SNX29: variants seen among roughly 807,000 people sequenced by gnomAD.
SNX29 encodes sorting nexin-29.
A neutral mutation model predicts 102.1 loss-of-function variants in SNX29; 78 were observed. The observed-to-expected ratio is 0.76, with a 90% confidence interval of 0.64 to 0.92. The LOEUF (loss-of-function observed/expected upper bound fraction) is 0.92. Among genes scored for constraint, SNX29 ranks in the 40% least tolerant of loss-of-function variants. SNX29 has a pLI of 0.00. For missense variants in SNX29, 1,280 were observed against 1,061.7 expected (o/e 1.21, Z -2.86); for synonymous variants, 580 against 414.5 (o/e 1.40, Z -4.85).
chr16:12,336,037 T>G (rs1262531703), intron 15 of SNX29, among the ~76,000 whole-genome samples: 1 of 152,176 alleles, frequency 6.6e-6, no homozygotes, highest in Non-Finnish European at 1.5e-5. Flanking sequence ...CAGCACTTGA[T>G]ATCTTTATGA....
intron 15 of SNX29, among the ~76,000 whole-genome samples, chr16:12,294,838 G>C (rs527413136): frequency 5.9e-5 from 9 of 152,070 alleles, no homozygotes; most frequent in Admixed American, 2.6e-4. Flanking sequence ...GTCCCTTCCT[G>C]TATTAGCCTG....
intron 14 of SNX29, among the ~76,000 whole-genome samples, chr16:12,273,636 G>A (rs566431247): frequency 1.3e-5 from 2 of 152,176 alleles, no homozygotes; most frequent in African/African-American, 4.8e-5. Flanking sequence ...GGGATTACAG[G>A]CGTGAGCCAC....
intron 14 of SNX29, among the ~76,000 whole-genome samples, chr16:12,249,767 G>A (rs1044614653): frequency 3.3e-5 from 5 of 152,166 alleles, no homozygotes; most frequent in Admixed American, 1.3e-4. Context: ...CTACTTCTTG[G>A]TGCATAGGGA....
chr16:12,001,460 A>C (rs2056285207), intron 2 of SNX29, among the ~76,000 whole-genome samples: 1 of 152,100 alleles, frequency 6.6e-6, no homozygotes, highest in South Asian at 2.1e-4. Flanking sequence ...TTGACGGTTA[A>C]AGTGTTGCAT....
intron 19 of SNX29, among the ~76,000 whole-genome samples, chr16:12,523,466 C>G (rs774058193): frequency 6.6e-6 from 1 of 152,224 alleles, no homozygotes; most frequent in Admixed American, 6.5e-5. Flanking sequence ...CTTGTCCCGG[C>G]CCCGATGCTC....
At chr16:12,187,830 T>C (rs993204667) in intron 13 of SNX29, among the ~76,000 whole-genome samples, 8 of 152,172 alleles carry the variant, frequency 5.3e-5, no homozygotes, top group African/African-American at 1.7e-4. Context: ...GGAAGCCCAG[T>C]TGAGTCCATG....
intron 2 of SNX29, among the ~76,000 whole-genome samples, chr16:12,001,941 G>C (rs1437846806): frequency 6.6e-6 from 1 of 151,346 alleles, no homozygotes; most frequent in Non-Finnish European, 1.5e-5. Context: ...AATTGCTTGA[G>C]CCTAGGTATT....
chr16:12,411,499 G>C (rs966368435), intron 18 of SNX29, among the ~76,000 whole-genome samples: 5 of 152,194 alleles, frequency 3.3e-5, no homozygotes, highest in Non-Finnish European at 7.3e-5. Context: ...CTTCCTGCTG[G>C]ACATATGTGT....
chr16:12,535,617 G>C (rs977681120), intron 20 of SNX29, among the ~76,000 whole-genome samples: 3 of 152,070 alleles, frequency 2.0e-5, no homozygotes, highest in Non-Finnish European at 4.4e-5. Context: ...GTCACTGTCA[G>C]TCACACCAAC....
chr16:12,423,122 C>T (rs1296051700), intron 18 of SNX29, among the ~76,000 whole-genome samples: 2 of 151,884 alleles, frequency 1.3e-5, no homozygotes, highest in Admixed American at 1.3e-4. Context: ...GCTACAGGCA[C>T]AATGCAAGTT....
intron 11 of SNX29, among the ~76,000 whole-genome samples, chr16:12,118,138 G>A (rs140454730): frequency 1.3e-5 from 2 of 151,972 alleles, no homozygotes; most frequent in East Asian, 3.9e-4. Context: ...CTGTGCCACC[G>A]CTCCCCACCC....
intron 8 of SNX29, among the ~76,000 whole-genome samples, chr16:12,053,943 T>C (rs909799517): frequency 1.3e-5 from 2 of 152,094 alleles, no homozygotes; most frequent in African/African-American, 4.8e-5. Context: ...TCAGGTATGC[T>C]GTAATCCAAA....
At chr16:12,357,754 T>C (rs2082181118) in intron 16 of SNX29, among the ~76,000 whole-genome samples, 1 of 152,170 alleles carries the variant, frequency 6.6e-6, no homozygotes, top group South Asian at 2.1e-4. Context: ...ATGAATCCAC[T>C]ACTGTCTTAG....
At chr16:11,994,202 A>G (rs1040695198) in intron 1 of SNX29, among the ~76,000 whole-genome samples, 18 of 152,202 alleles carry the variant, frequency 1.2e-4, no homozygotes, top group African/African-American at 4.3e-4. Context: ...GATTCTGAGT[A>G]GAGTTAGGGA....
At chr16:12,403,417 A>G (rs983828182) in intron 17 of SNX29, 31 bp from the exon 18 acceptor site, 46 of 1,566,894 alleles carry the variant, frequency 2.9e-5, no homozygotes, top group Non-Finnish European at 3.9e-5. Flanking sequence ...AAAATGTCTA[A>G]TGTTGGTCTC....
intron 11 of SNX29, among the ~76,000 whole-genome samples, chr16:12,111,703 T>TG (rs1448767548): frequency 6.6e-6 from 1 of 151,954 alleles, no homozygotes; most frequent in Non-Finnish European, 1.5e-5. Context: ...GACTGAATGG[T>TG]GTGGGTAGCA....
chr16:12,530,523 G>A (rs1597766756), intron 20 of SNX29, among the ~76,000 whole-genome samples: 1 of 151,080 alleles, frequency 6.6e-6, no homozygotes, highest in East Asian at 1.9e-4. Context: ...AAACTCCACT[G>A]TTCTGAAATT....
chr16:12,557,116 T>C lies in SNX29; in HGVS notation c.2319-11390T>C, dbSNP rs559589135. On this transcript the variant is annotated intron_variant, in intron 20 of 20. Transcript: ENST00000566228. ...TAGCTGCCTCAACCTCCGAAAGTGC[T>C]GAGATTAGACACAGGAGTCACTGCC... Among the ~76,000 whole-genome samples the C allele has an allele frequency of 5.3e-5, 8 of 150,714 alleles. No homozygotes were observed. The East Asian group carries it at 1.6e-3, about 30-fold the overall frequency.
intron 3 of SNX29, among the ~76,000 whole-genome samples, chr16:12,014,954 T>C (rs2056798382): frequency 6.6e-6 from 1 of 152,122 alleles, no homozygotes; most frequent in East Asian, 1.9e-4. Flanking sequence ...TTTTTCTTTT[T>C]ACTTTTTGGT....
Sources: gnomAD v4.1 joint callset for allele counts (sites outside exome capture counted in the v4.1 genomes callset) on GRCh38, gnomAD v4.1.1 for gene constraint, MANE v1.5 for transcripts, NCBI Gene and HGNC (gene_info 2026-07-23, HGNC 2026-07-21) for gene names.